The following PPM1E variants were observed in gnomAD, a reference collection of about 807,000 sequenced individuals.
The protein encoded by PPM1E is protein phosphatase, Mg2+/Mn2+ dependent 1E, also known as protein phosphatase 1E.
A neutral mutation model predicts 65.9 loss-of-function variants in PPM1E; 20 were observed. The observed-to-expected ratio is 0.30, with a 90% CI of 0.21 to 0.44. The LOEUF (loss-of-function observed/expected upper bound fraction) is 0.44. PPM1E is among the 20% of genes least tolerant of loss of function. The pLI is 1.00. For synonymous variants in PPM1E, 352 were observed against 374.9 expected (o/e 0.94, Z 0.70); for missense variants, 713 against 953.1 (o/e 0.75, Z 3.32).
intron 1 of PPM1E, 139 bp from the exon 2 acceptor site, chr17:58,955,507 CAAT>C (rs1218338400): frequency 6.4e-6 from 6 of 943,642 alleles, no homozygotes; most frequent in Non-Finnish European, 9.8e-6. Context: ...AGTGCCTACT[CAAT>C]AAATATTTAT....
chr17:58,869,901 A>G (rs918500177), intron 1 of PPM1E, among the ~76,000 whole-genome samples: 1 of 152,248 alleles, frequency 6.6e-6, no homozygotes, highest in African/African-American at 2.4e-5. Context: ...GCTTTATCAA[A>G]GATGAACGAA....
intron 1 of PPM1E, among the ~76,000 whole-genome samples, chr17:58,937,614 C>T (rs1598661893): frequency 6.7e-6 from 1 of 148,472 alleles, no homozygotes; most frequent in Non-Finnish European, 1.5e-5. Context: ...TGGTGGCTCA[C>T]GCCTGTAATC....
intron 2 of PPM1E, among the ~76,000 whole-genome samples, chr17:58,960,648 G>A (rs1366905237): frequency 6.6e-6 from 1 of 151,470 alleles, no homozygotes; most frequent in Non-Finnish European, 1.5e-5. Flanking sequence ...GGTGGTGGAC[G>A]CCTGTAATCC....
chr17:58,847,438 C>A (rs969760405), intron 1 of PPM1E, among the ~76,000 whole-genome samples: 4 of 151,940 alleles, frequency 2.6e-5, no homozygotes, highest in African/African-American at 7.3e-5. Context: ...ATCTTGAATT[C>A]ATTTTTGTAT....
chr17:58,890,264 T>G (rs907812064), intron 1 of PPM1E, among the ~76,000 whole-genome samples: 5 of 152,164 alleles, frequency 3.3e-5, no homozygotes, highest in Non-Finnish European at 7.3e-5. Context: ...AACACAACTA[T>G]TTTTTTCATA....
chr17:58,955,326 T>C (rs1270160529), intron 1 of PPM1E, among the ~76,000 whole-genome samples: 1 of 152,166 alleles, frequency 6.6e-6, no homozygotes, highest in Non-Finnish European at 1.5e-5. Context: ...AATCACGCCA[T>C]TGCACTCCAG....
At chr17:58,813,514 T>A (rs1461389601) in intron 1 of PPM1E, among the ~76,000 whole-genome samples, 4 of 152,210 alleles carry the variant, frequency 2.6e-5, no homozygotes, top group Non-Finnish European at 2.9e-5. Flanking sequence ...AATTAGCTAA[T>A]TCTGTAATTC....
At chr17:58,917,330 C>T (rs938147627) in intron 1 of PPM1E, among the ~76,000 whole-genome samples, 10 of 150,982 alleles carry the variant, frequency 6.6e-5, no homozygotes, top group Admixed American at 2.0e-4. Context: ...ATATTATAAT[C>T]GTTGCCATTG....
chr17:58,906,783 A>AT (rs931479312), intron 1 of PPM1E, among the ~76,000 whole-genome samples: 8 of 151,458 alleles, frequency 5.3e-5, no homozygotes, highest in African/African-American at 1.9e-4. Context: ...TTTATTTTAA[A>AT]TTTTTTTTCT....
At chr17:58,837,260 TA>T (rs57058929) in intron 1 of PPM1E, among the ~76,000 whole-genome samples, 20,463 of 66,242 alleles carry the variant, frequency 0.31, 2,028 homozygotes, top group Middle Eastern at 0.41. Context: ...TTAAAAAAAT[TA>T]AAAAAAAAAA....
At chr17:58,789,201 C>T (rs1386448816) in intron 1 of PPM1E, among the ~76,000 whole-genome samples, 3 of 152,124 alleles carry the variant, frequency 2.0e-5, no homozygotes, top group East Asian at 1.9e-4. Context: ...AGCTCAAGCC[C>T]GTAATTCTAA....
chr17:58,965,716 C>T lies in PPM1E; in HGVS notation c.606C>T (p.Ala202=). 6.2e-7 allele frequency: 1 copy of T among 1,613,978 alleles called. No homozygotes were observed. Among genetic ancestry groups the T allele is most frequent in the Non-Finnish European group, 8.5e-7 (1 of 1,179,980 alleles). ...CAGAGATTGAGACAGTGAAATTGGCCCGTTCTGTCTTCAGCAAACTACACG... is the reference window on the plus strand; with the variant it reads ...CAGAGATTGAGACAGTGAAATTGGCTCGTTCTGTCTTCAGCAAACTACACG... ...GTVEIETVKL[A]RSVFSKLHEI... is the part of the protein sequence containing the mutation. The change falls in exon 3 of 7, where the codon GCC becomes GCT. Residue 202 remains alanine, a synonymous_variant. Coordinates refer to ENST00000308249, the MANE Select transcript of PPM1E (RefSeq NM_014906.5).
chr17:58,804,133 G>A (rs1228132679), intron 1 of PPM1E, among the ~76,000 whole-genome samples: 1 of 152,036 alleles, frequency 6.6e-6, no homozygotes, highest in Non-Finnish European at 1.5e-5. Flanking sequence ...TCACTATGTT[G>A]CCCAGGCTGG....
At chr17:58,940,228 C>T (rs1406221951) in intron 1 of PPM1E, among the ~76,000 whole-genome samples, 1 of 152,184 alleles carries the variant, frequency 6.6e-6, no homozygotes, top group Admixed American at 6.5e-5. Flanking sequence ...AAATGACAAG[C>T]ATTAGTGATA....
intron 1 of PPM1E, among the ~76,000 whole-genome samples, chr17:58,910,917 T>C (rs2051620217): frequency 6.6e-6 from 1 of 152,120 alleles, no homozygotes; most frequent in African/African-American, 2.4e-5. Flanking sequence ...TGGTTCCTTT[T>C]CCCCTCCTCT....
chr17:58,843,148 A>C (rs1005957179), intron 1 of PPM1E, among the ~76,000 whole-genome samples: 1 of 151,688 alleles, frequency 6.6e-6, no homozygotes, highest in Admixed American at 6.6e-5. Flanking sequence ...TTAGTCGGGC[A>C]TGGTGGCGGC....
At chr17:58,935,385 C>T (rs2051965683) in intron 1 of PPM1E, among the ~76,000 whole-genome samples, 2 of 152,120 alleles carry the variant, frequency 1.3e-5, no homozygotes, top group South Asian at 4.2e-4. Flanking sequence ...GAAGACAGAA[C>T]CCTGGGAGTA....
At chr17:58,801,825 C>T (rs1022693149) in intron 1 of PPM1E, among the ~76,000 whole-genome samples, 2 of 151,802 alleles carry the variant, frequency 1.3e-5, no homozygotes, top group Non-Finnish European at 2.9e-5. Flanking sequence ...GGCATGATCT[C>T]GGCTCACTGC....
intron 1 of PPM1E, among the ~76,000 whole-genome samples, chr17:58,851,760 C>T (rs2050828477): frequency 6.6e-6 from 1 of 152,244 alleles, no homozygotes; most frequent in South Asian, 2.1e-4. Flanking sequence ...TATGTCCTTT[C>T]TCAGATCTCA....
Sources: gnomAD v4.1 joint callset for allele counts (sites outside exome capture counted in the v4.1 genomes callset) on GRCh38, gnomAD v4.1.1 for gene constraint, MANE v1.5 for transcripts, NCBI Gene and HGNC (gene_info 2026-07-23, HGNC 2026-07-21) for gene names.